The following CELF2 variants were observed in gnomAD, a reference collection of about 807,000 sequenced individuals.
CELF2 encodes the protein CUG triplet repeat RNA-binding protein 2.
CELF2 carries 8 observed loss-of-function variants against 62.6 expected under a neutral mutation model. That is an observed-to-expected ratio of 0.13 (90% CI 0.07 to 0.23). CELF2 has a LOEUF of 0.23. CELF2 is among the 10% of genes least tolerant of loss of function. The pLI is 1.00. For synonymous variants in CELF2, 258 were observed against 250.0 expected (o/e 1.03, Z -0.30); for missense variants, 333 against 671.0 (o/e 0.50, Z 5.56).
rs750490610 is a variant in CELF2, at chr10:11,178,077, C to G, written c.271+12395C>G. Among the ~76,000 whole-genome samples the G allele has an allele frequency of 6.6e-6, 1 of 152,218 alleles. No homozygotes were observed. Among genetic ancestry groups the G allele is most frequent in the African/African-American group, 2.4e-5 (1 of 41,444 alleles). ...TCAGATCCCTACACATGAAACGCTG[C>G]GGCCACAGCTGCAGCCATGCTACCT... On this transcript the variant is annotated intron_variant, in intron 2 of 12. Transcript: ENST00000633077. The surrounding 1 kb of genome is among the most constrained non-coding windows in gnomAD (Gnocchi z 4.3).
Position 10,934,139 on chromosome 10 carries a change from T to A in CELF2, c.89+14140T>A, listed in dbSNP as rs2066386582. Among the ~76,000 whole-genome samples the A allele has an allele frequency of 6.6e-6, 1 of 152,166 alleles. No homozygotes were observed. Among genetic ancestry groups the A allele is most frequent in the Admixed American group, 6.5e-5 (1 of 15,278 alleles). On this transcript the variant is annotated intron_variant, in intron 2 of 13. Transcript: ENST00000636488. This position sits in a 1 kb window ranked among gnomAD's most constrained non-coding sequence, Gnocchi z 4.4. ...TCTTTTTTGTAATAGCCATTTTAAT[T>A]GGGGTGAGGTGATACCTTATTGTGA...
At position 10,993,558 on chromosome 10, in the gene CELF2, A is replaced by G. The variant is rs1309547221; in HGVS notation, c.89+73559A>G. On this transcript the variant is annotated intron_variant, in intron 2 of 13. Coordinates refer to the CELF2 transcript ENST00000636488. The surrounding 1 kb of genome is among the most constrained non-coding windows in gnomAD (Gnocchi z 5.3). ...TGGGAACACACTTGTAGTCAAAGCT[A>G]TATTTACATAATTGTGGCAGCAAAA... is the stretch of plus-strand genomic sequence containing the variant. 6.6e-6 allele frequency among the ~76,000 whole-genome samples: 1 copy of G among 152,190 alleles called. No homozygotes were observed. Among genetic ancestry groups the G allele is most frequent in the East Asian group, 1.9e-4 (1 of 5,196 alleles).
chr10:11,190,612 CT>C (rs201090957), intron 2 of CELF2, among the ~76,000 whole-genome samples: 2,247 of 148,274 alleles, frequency 0.015, 49 homozygotes, highest in African/African-American at 0.051. Context: ...AGGAATTGTT[CT>C]TTTAAAAAAA....
At chr10:11,040,569 T>G (rs534233247) in intron 1 of CELF2, among the ~76,000 whole-genome samples, 1 of 152,264 alleles carries the variant, frequency 6.6e-6, no homozygotes, top group African/African-American at 2.4e-5. Flanking sequence ...GGTTGGTCGC[T>G]CTGTTTTTCC....
chr10:10,862,428 G>A (rs1336081667), intron 1 of CELF2, among the ~76,000 whole-genome samples: 1 of 152,048 alleles, frequency 6.6e-6, no homozygotes, highest in East Asian at 1.9e-4. Flanking sequence ...AACTCATTTG[G>A]GCTGTCAATC....
chr10:10,550,162 C>T, the CELF2 span, among the ~76,000 whole-genome samples: 2 of 152,094 alleles, frequency 1.3e-5, no homozygotes, highest in Non-Finnish European at 2.9e-5. Context: ...ATGTATTATA[C>T]AGTATATTCT....
At chr10:11,289,746 G>C (rs561336828) in intron 9 of CELF2, among the ~76,000 whole-genome samples, 1 of 152,224 alleles carries the variant, frequency 6.6e-6, no homozygotes, top group East Asian at 1.9e-4. Flanking sequence ...AATCAACTTT[G>C]TCACCCTTAA....
At position 11,145,046 on chromosome 10, in the gene CELF2, T is replaced by C. The variant is rs2062022682; in HGVS notation, c.75-20440T>C. Among the ~76,000 whole-genome samples, 1 of 151,814 alleles carries C rather than the reference T, an allele frequency of 6.6e-6. No individual in the cohort carries two copies. Among genetic ancestry groups the C allele is most frequent in the African/African-American group, 2.4e-5 (1 of 41,366 alleles). Reference sequence around the variant, plus strand: ...TTAATAGAATTTGAATATAACTAAATCCATCCACTTAGCATAACTGTGTTC... The same window carrying C: ...TTAATAGAATTTGAATATAACTAAACCCATCCACTTAGCATAACTGTGTTC... On this transcript the variant is annotated intron_variant, in intron 1 of 12. Transcript: ENST00000633077. This position sits in a 1 kb window ranked among gnomAD's most constrained non-coding sequence, Gnocchi z 4.3.
Position 11,330,540 on chromosome 10 carries a change from T to C in CELF2, c.*1487T>C, listed in dbSNP as rs184970964. 1 of 152,768 alleles carries C rather than the reference T, an allele frequency of 6.5e-6. No homozygotes were observed. The highest frequency in any genetic ancestry group is 2.4e-5 in the African/African-American group (1 of 41,570). 9.5% of individuals were successfully genotyped at this position (152,768 alleles called of 1,614,324 possible). A position where few individuals can be genotyped will look rare whatever the true frequency, so the allele number is the denominator to read the frequency against. On this transcript the variant is annotated 3_prime_UTR_variant, in exon 13 of 13. Coordinates refer to ENST00000633077, the MANE Select transcript of CELF2 (RefSeq NM_001326342.2). This position sits in a 1 kb window ranked among gnomAD's most constrained non-coding sequence, Gnocchi z 4.5. ...AAAGTTTCATCGTCCCGTCATTGTT[T>C]CTGATGTCTTTCTGACCTCACATCA...
intron 1 of CELF2, among the ~76,000 whole-genome samples, chr10:10,827,614 AT>A (rs1250339473): frequency 6.6e-6 from 1 of 152,232 alleles, no homozygotes; most frequent in Non-Finnish European, 1.5e-5. Flanking sequence ...GAAAGTATTC[AT>A]ATTCCCTAAC....
intron 1 of CELF2, among the ~76,000 whole-genome samples, chr10:11,095,361 A>T (rs1419888274): frequency 6.6e-6 from 1 of 152,184 alleles, no homozygotes; most frequent in Non-Finnish European, 1.5e-5. Context: ...GCATCATCCC[A>T]CAATGTGTCA....
chr10:11,025,303 C>T (rs773028496), intron 1 of CELF2, among the ~76,000 whole-genome samples: 7 of 150,378 alleles, frequency 4.7e-5, no homozygotes, highest in Non-Finnish European at 8.9e-5. Flanking sequence ...GCTTTGTGTC[C>T]CCACCCAGAT....
At chr10:10,683,665 A>C in the CELF2 span, among the ~76,000 whole-genome samples, 1 of 152,216 alleles carries the variant, frequency 6.6e-6, no homozygotes, top group Non-Finnish European at 1.5e-5. Context: ...GGAAAGAAAA[A>C]GTTACTCAAT....
At chr10:10,775,286 T>C in the CELF2 span, among the ~76,000 whole-genome samples, 1 of 152,228 alleles carries the variant, frequency 6.6e-6, no homozygotes, top group South Asian at 2.1e-4. Flanking sequence ...CCTTGGCCTG[T>C]CTGAGGCACA....
rs909652634 is a variant in CELF2, at chr10:11,175,552, C to T, written c.271+9870C>T. 4.6e-5 allele frequency among the ~76,000 whole-genome samples: 7 copies of T among 152,178 alleles called. No individual in the cohort carries two copies. In the South Asian group the frequency reaches 8.3e-4, roughly 18 times the overall value. The stretch of plus-strand genomic sequence containing the variant: ...AGTTTGAGCCAAACTTTTACAGAGA[C>T]GAGGTGGTGAACTTAGAGCATGTTA... On this transcript the variant is annotated intron_variant, in intron 2 of 12. Transcript: ENST00000633077.
chr10:10,665,898 T>A, the CELF2 span, among the ~76,000 whole-genome samples: 1 of 152,122 alleles, frequency 6.6e-6, no homozygotes, highest in African/African-American at 2.4e-5. Context: ...CATACAATCA[T>A]CAGAAGTGGA....
intron 10 of CELF2, chr10:11,320,771 A>G (rs2140955545): frequency 1.4e-6 from 2 of 1,380,710 alleles, no homozygotes; most frequent in African/African-American, 1.5e-5. Context: ...TAGTTCCTCA[A>G]AGAGCCCAGT....
intron 2 of CELF2, among the ~76,000 whole-genome samples, chr10:10,955,874 C>T (rs2048830047): frequency 6.6e-6 from 1 of 152,184 alleles, no homozygotes; most frequent in Non-Finnish European, 1.5e-5. Context: ...CAAGAGGAAA[C>T]GGAAGCTCCA....
intron 2 of CELF2, among the ~76,000 whole-genome samples, chr10:11,171,600 G>T (rs1027933879): frequency 1.3e-5 from 2 of 152,224 alleles, no homozygotes; most frequent in Non-Finnish European, 2.9e-5. Context: ...TGGCCCGAAG[G>T]TAGCCCTAAA....
Sources: gnomAD v4.1 joint callset for allele counts (sites outside exome capture counted in the v4.1 genomes callset) on GRCh38, gnomAD v4.1.1 for gene constraint, Gnocchi (gnomAD v3.1) non-coding constraint, MANE v1.5 for transcripts, NCBI Gene and HGNC (gene_info 2026-07-23, HGNC 2026-07-21) for gene names.